Variants in KCTD3 observed in about 807,000 individuals in gnomAD.
The protein encoded by KCTD3 is potassium channel tetramerization domain containing 3.
KCTD3 carries 41 observed loss-of-function variants against 85.8 expected under a neutral mutation model. The ratio of observed to expected loss-of-function variants is 0.48; its 90% CI spans 0.37 to 0.62. KCTD3 has a LOEUF of 0.62. Ranked by LOEUF, KCTD3 falls within the 20% of genes least tolerant of loss-of-function variation. The pLI is 0.00. For missense variants in KCTD3, 724 were observed against 989.9 expected, an observed-to-expected ratio of 0.73 and a Z score of 3.60; for synonymous variants, 338 against 345.4, an observed-to-expected ratio of 0.98 and a Z score of 0.24.
chr1:215,613,313 A>G (rs1655303087), intron 15 of KCTD3, among the ~76,000 whole-genome samples: 2 of 152,110 alleles, frequency 1.3e-5, no homozygotes, highest in Non-Finnish European at 1.5e-5. Context: ...ACCTCCAGAC[A>G]TGTGTCTGTT....
At chr1:215,573,279 G>A (rs1297464570) in intron 1 of KCTD3, among the ~76,000 whole-genome samples, 88 of 152,260 alleles carry the variant, frequency 5.8e-4, no homozygotes, top group African/African-American at 2.0e-3. Flanking sequence ...AAACCTGAGT[G>A]GTATCAAGAA....
intron 14 of KCTD3, among the ~76,000 whole-genome samples, chr1:215,609,941 C>T (rs866103146): frequency 2.0e-5 from 3 of 151,850 alleles, no homozygotes; most frequent in Non-Finnish European, 4.4e-5. Context: ...ATATAAGAAG[C>T]ACCTGAAAGC....
intron 8 of KCTD3, chr1:215,581,046 G>T: frequency 2.3e-6 from 1 of 429,210 alleles, no homozygotes. Flanking sequence ...TGGAGTTCAA[G>T]ATCAGCCCGA....
intron 3 of KCTD3, 54 bp from the exon 4 acceptor site, chr1:215,575,847 A>G: frequency 2.0e-6 from 2 of 991,360 alleles, no homozygotes; most frequent in Non-Finnish European, 3.0e-6. Flanking sequence ...TACAGATATT[A>G]AAGTTAAAAG....
chr1:215,569,155 C>T (rs1404353872), intron 1 of KCTD3, among the ~76,000 whole-genome samples: 2 of 146,732 alleles, frequency 1.4e-5, no homozygotes, highest in Non-Finnish European at 3.0e-5. Context: ...CGGAGTCTTG[C>T]TCTGTCGCCT....
intron 3 of KCTD3, 29 bp downstream of exon 3, chr1:215,574,147 C>T (rs767650351): frequency 5.4e-5 from 77 of 1,414,112 alleles, no homozygotes; most frequent in Non-Finnish European, 6.9e-5. Context: ...GATACATATT[C>T]CTAAATTAAT....
intron 5 of KCTD3, 24 bp from the exon 6 acceptor site, chr1:215,577,977 A>G (rs375833467): frequency 3.7e-6 from 6 of 1,604,472 alleles, no homozygotes; most frequent in Non-Finnish European, 5.1e-6. Context: ...TACTCTTGAC[A>G]AGTTTGCTTT....
chr1:215,595,156 A>G (rs1162914430), intron 9 of KCTD3, among the ~76,000 whole-genome samples, 200 bp from the exon 10 acceptor site: 1 of 152,232 alleles, frequency 6.6e-6, no homozygotes, highest in Non-Finnish European at 1.5e-5. Context: ...GGCTTGGAGC[A>G]GACTCTTCCT....
chr1:215,600,532 T>C (rs1472705069), intron 10 of KCTD3, among the ~76,000 whole-genome samples: 1 of 152,188 alleles, frequency 6.6e-6, no homozygotes, highest in Non-Finnish European at 1.5e-5. Context: ...TTAGTGCCTG[T>C]CACACTATAA....
chr1:215,590,203 G>A (rs1197987777), intron 9 of KCTD3, among the ~76,000 whole-genome samples: 8 of 152,150 alleles, frequency 5.3e-5, no homozygotes, highest in Admixed American at 3.3e-4. Context: ...ATTAAGCATC[G>A]TTTCCTGTAC....
At chr1:215,577,560 T>C (rs1056326588) in intron 4 of KCTD3, 110 bp from the exon 5 acceptor site, 6 of 682,516 alleles carry the variant, frequency 8.8e-6, no homozygotes, top group African/African-American at 7.2e-5. Flanking sequence ...AAAATAATTT[T>C]TAAAGCCTTA....
At chr1:215,618,796 G>T in intron 15 of KCTD3, 90 bp from the exon 16 acceptor site, 1 of 959,800 alleles carries the variant, frequency 1.0e-6, no homozygotes, top group Non-Finnish European at 1.6e-6. Context: ...TAACATGTTT[G>T]CTTTCTTTCT....
At position 215,620,068 on chromosome 1, in the gene KCTD3, A is replaced by C; in HGVS notation, c.1898A>C (p.Gln633Pro). Residue 633 changes from glutamine (Q) to proline (P), a missense_variant, in exon 18 of 18, where the codon CAG (glutamine) becomes CCG (proline). Gln to Pro is a moderately conservative substitution (Grantham distance 76). Around this residue, in one of 6 missense-constraint regions of KCTD3, gnomAD observed 222 missense variants for 217.7 expected, o/e 1.02. Coordinates refer to ENST00000259154, the MANE Select transcript of KCTD3 (RefSeq NM_016121.5). ...LRESNSSLQL[Q>P]HHDTTHEAAT... Reference sequence around the variant, plus strand: ...AAACTGTATTTCAGCCTTCAGCTTCAGCACCATGATACCACCCATGAAGCA... The same window carrying C: ...AAACTGTATTTCAGCCTTCAGCTTCCGCACCATGATACCACCCATGAAGCA... The C allele has an allele frequency of 1.3e-6, 2 of 1,578,304 alleles. No individual in the cohort carries two copies. The highest frequency in any genetic ancestry group is 1.7e-6 in the Non-Finnish European group (2 of 1,167,306).
At chr1:215,619,415 ATTATG>A (rs1249745543) in intron 17 of KCTD3, 124 bp downstream of exon 17, 1 of 820,892 alleles carries the variant, frequency 1.2e-6, no homozygotes, top group Non-Finnish European at 1.8e-6. Flanking sequence ...AAATTCAGAC[ATTATG>A]TTAACTTTTT....
chr1:215,616,285 A>T (rs1291213468), intron 15 of KCTD3, among the ~76,000 whole-genome samples: 1 of 152,226 alleles, frequency 6.6e-6, no homozygotes, highest in Non-Finnish European at 1.5e-5. Flanking sequence ...ATTTACAGAT[A>T]TTATTTAAAA....
chr1:215,587,926 G>A (rs1001586691), intron 9 of KCTD3, among the ~76,000 whole-genome samples: 1 of 152,076 alleles, frequency 6.6e-6, no homozygotes, highest in African/African-American at 2.4e-5. Flanking sequence ...TCTACCAAAT[G>A]TTGATACCTT....
intron 4 of KCTD3, among the ~76,000 whole-genome samples, chr1:215,576,937 A>G (rs1285616231): frequency 6.6e-6 from 1 of 152,232 alleles, no homozygotes; most frequent in South Asian, 2.1e-4. Flanking sequence ...AATTTAACAT[A>G]GTAATTGTAT....
intron 3 of KCTD3, among the ~76,000 whole-genome samples, chr1:215,574,611 C>T (rs1200115336): frequency 1.3e-5 from 2 of 152,036 alleles, no homozygotes; most frequent in African/African-American, 2.4e-5. Context: ...AACAAAGTGA[C>T]CAATGGTATT....
rs1417602840 is a variant in KCTD3 at position 215,620,366 on chromosome 1, T to G, written c.2196T>G (p.Ala732=). 1.9e-6 allele frequency: 3 copies of G among 1,613,070 alleles called. No homozygotes were observed. The highest frequency in any genetic ancestry group is 3.3e-5 in the Admixed American group (2 of 59,832). ...GTGGATTGGAAGTGCATAAAATAGC[T>G]GAAGGTTTTTCAGAATCCAAGAAAA... ...LDSGLEVHKI[A]EGFSESKKRS... is the part of the protein sequence containing the mutation. The change falls in exon 18 of 18, where the codon GCT becomes GCG. Residue 732 remains alanine (A), a synonymous_variant. Transcript: ENST00000259154.
Sources: allele counts gnomAD v4.1 joint callset (sites outside exome capture counted in the v4.1 genomes callset), GRCh38; gene constraint gnomAD v4.1.1; regional missense constraint gnomAD v4.1.1; transcripts MANE v1.5; gene names NCBI Gene and HGNC (gene_info 2026-07-23, HGNC 2026-07-21).